Variants in FAM13A observed in about 807,000 individuals in gnomAD.
FAM13A encodes protein FAM13A.
In FAM13A, 76 loss-of-function variants were observed where a neutral mutation model predicts 129.6. That is an observed-to-expected ratio of 0.59 (90% CI 0.49 to 0.71). The LOEUF (loss-of-function observed/expected upper bound fraction) is 0.71. FAM13A is among the 30% of genes least tolerant of loss of function. The probability of loss-of-function intolerance (pLI) is 0.00; values close to 1 mark genes in which losing one functional copy is unlikely to be tolerated. For missense variants in FAM13A, 1,108 were observed against 1,249.3 expected (o/e 0.89, Z 1.70); for synonymous variants, 443 against 449.9 (o/e 0.98, Z 0.20).
intron 6 of FAM13A, among the ~76,000 whole-genome samples, chr4:88,881,579 C>T (rs1743577641): frequency 6.6e-6 from 1 of 151,980 alleles, no homozygotes; most frequent in Non-Finnish European, 1.5e-5. Flanking sequence ...TCTTTAACAC[C>T]CCCAAGAGAT....
At chr4:89,038,530 C>T (rs557335998) in intron 1 of FAM13A, among the ~76,000 whole-genome samples, 18 of 152,040 alleles carry the variant, frequency 1.2e-4, no homozygotes, top group African/African-American at 1.7e-4. Flanking sequence ...AATGGAACAC[C>T]GCTGGGCAAA....
At chr4:88,867,038 A>C (rs531158929) in intron 6 of FAM13A, among the ~76,000 whole-genome samples, 1 of 152,252 alleles carries the variant, frequency 6.6e-6, no homozygotes, top group South Asian at 2.1e-4. Context: ...TATGTTCTAT[A>C]AAGTTGCCAT....
At chr4:89,049,763 C>T (rs941346100) in intron 1 of FAM13A, among the ~76,000 whole-genome samples, 1 of 152,150 alleles carries the variant, frequency 6.6e-6, no homozygotes. Context: ...TCAAGTGATT[C>T]TCCTTGCCTC....
intron 7 of FAM13A, among the ~76,000 whole-genome samples, chr4:88,840,097 T>G (rs1278620163): frequency 6.6e-6 from 1 of 152,156 alleles, no homozygotes; most frequent in South Asian, 2.1e-4. Context: ...AGAAAAGATA[T>G]CCAGGAAGGC....
intron 4 of FAM13A, among the ~76,000 whole-genome samples, chr4:88,939,043 T>A (rs1754310957): frequency 6.6e-6 from 1 of 152,236 alleles, no homozygotes; most frequent in Non-Finnish European, 1.5e-5. Context: ...AAGCACCACT[T>A]AGGTCTCATT....
chr4:88,733,513 T>C (rs977606873), intron 21 of FAM13A, among the ~76,000 whole-genome samples: 1 of 152,220 alleles, frequency 6.6e-6, no homozygotes. Flanking sequence ...CGACGTAGTT[T>C]TGATAAAAAT....
intron 5 of FAM13A, among the ~76,000 whole-genome samples, chr4:88,924,518 T>C (rs1751747602): frequency 6.6e-6 from 1 of 152,226 alleles, no homozygotes; most frequent in Non-Finnish European, 1.5e-5. Context: ...AAGCTGAAAC[T>C]GGACCCCTTC....
intron 14 of FAM13A, among the ~76,000 whole-genome samples, chr4:88,754,557 A>G (rs945223092): frequency 6.6e-6 from 1 of 152,188 alleles, no homozygotes; most frequent in Non-Finnish European, 1.5e-5. Flanking sequence ...CCTTGGCAAG[A>G]TGTAACCATT....
intron 8 of FAM13A, among the ~76,000 whole-genome samples, chr4:88,791,336 A>G (rs966257343): frequency 6.6e-6 from 1 of 152,134 alleles, no homozygotes; most frequent in African/African-American, 2.4e-5. Flanking sequence ...GAAGTGGTCA[A>G]CACAAAGTAG....
rs1396803515 is a variant in FAM13A at position 88,805,130 on chromosome 4, G to A, written c.1008-78C>T. ...CAATTTTACTAAAAATGTTCTACCTGTAAAAAATGTTGATTTAGCACATTA... is the reference window on the plus strand; with the variant it reads ...CAATTTTACTAAAAATGTTCTACCTATAAAAAATGTTGATTTAGCACATTA... On this transcript the variant is annotated intron_variant, in intron 7 of 23. Transcript: ENST00000264344. 8.7e-6 allele frequency: 7 copies of A among 805,656 alleles called. No individual in the cohort carries two copies. In the African/African-American group the frequency reaches 1.0e-4, roughly 12 times the overall value. 49.9% of individuals were successfully genotyped at this position (805,656 alleles called of 1,614,324 possible). A position where few individuals can be genotyped will look rare whatever the true frequency, so the allele number is the denominator to read the frequency against.
chr4:88,755,935 G>T (rs1359455399), intron 14 of FAM13A, among the ~76,000 whole-genome samples: 1 of 152,172 alleles, frequency 6.6e-6, no homozygotes, highest in Non-Finnish European at 1.5e-5. Flanking sequence ...GACTACAGGC[G>T]CATACCACCA....
At chr4:89,035,493 GA>G (rs1463039407) in intron 1 of FAM13A, among the ~76,000 whole-genome samples, 2 of 148,726 alleles carry the variant, frequency 1.3e-5, no homozygotes, top group African/African-American at 4.9e-5. Flanking sequence ...GGAAGGAGGG[GA>G]GGGGAGGGAA....
At chr4:88,868,278 T>G (rs918206617) in intron 6 of FAM13A, among the ~76,000 whole-genome samples, 3 of 152,158 alleles carry the variant, frequency 2.0e-5, no homozygotes, top group African/African-American at 7.2e-5. Flanking sequence ...CAAAAACTTA[T>G]CCTCTTCCCA....
chr4:88,876,599 C>CT (rs548848332), intron 6 of FAM13A, among the ~76,000 whole-genome samples: 5,376 of 149,402 alleles, frequency 0.036, 111 homozygotes, highest in South Asian at 0.06. Context: ...CACATCACTT[C>CT]TTTTTTTTTT....
chr4:88,965,463 GA>G (rs1560568727), intron 4 of FAM13A, among the ~76,000 whole-genome samples: 1 of 151,192 alleles, frequency 6.6e-6, no homozygotes, highest in South Asian at 2.1e-4. Flanking sequence ...CATGAAGGAA[GA>G]AAAAAATGTT....
intron 1 of FAM13A, among the ~76,000 whole-genome samples, chr4:89,033,385 A>G (rs2149137733): frequency 6.6e-6 from 1 of 152,314 alleles, no homozygotes; most frequent in East Asian, 1.9e-4. Flanking sequence ...ACTTCACAAA[A>G]GGCACAGAGA....
chr4:88,953,625 C>T (rs1176288100), intron 4 of FAM13A, among the ~76,000 whole-genome samples: 1 of 152,174 alleles, frequency 6.6e-6, no homozygotes, highest in Non-Finnish European at 1.5e-5. Context: ...ACCCATTAAG[C>T]AACTTCCTCT....
chr4:88,903,786 T>A (rs1747686125), intron 6 of FAM13A, among the ~76,000 whole-genome samples: 1 of 152,124 alleles, frequency 6.6e-6, no homozygotes, highest in African/African-American at 2.4e-5. Context: ...GGGATCTAGT[T>A]AAACTAAAGA....
chr4:88,801,624 A>G (rs1468720757), intron 8 of FAM13A, among the ~76,000 whole-genome samples: 1 of 152,248 alleles, frequency 6.6e-6, no homozygotes, highest in Non-Finnish European at 1.5e-5. Flanking sequence ...TGAGTTATTT[A>G]GAGCCCAATG....
Sources: allele counts gnomAD v4.1 joint callset (sites outside exome capture counted in the v4.1 genomes callset), GRCh38; gene constraint gnomAD v4.1.1; transcripts MANE v1.5; gene names NCBI Gene and HGNC (gene_info 2026-07-23, HGNC 2026-07-21).